The following TAS1R2 variants were observed in gnomAD, a reference collection of about 807,000 sequenced individuals.
The protein encoded by TAS1R2 is taste receptor type 1 member 2.
A neutral mutation model predicts 49.3 loss-of-function variants in TAS1R2; 47 were observed. That is an observed-to-expected ratio of 0.95 (90% CI 0.75 to 1.22). The LOEUF is 1.22. TAS1R2 is among the 50% of genes most tolerant of loss of function. The pLI is 0.00. For synonymous variants in TAS1R2, 479 were observed against 467.9 expected (o/e 1.02, Z -0.31); for missense variants, 1,155 against 1,122.1 (o/e 1.03, Z -0.42).
rs1214145529 is a variant in TAS1R2, at chr1:18,854,644, A to T, written c.826T>A (p.Ser276Thr). The change falls in exon 3 of 6, where the codon TCG (serine) becomes ACG (threonine). Residue 276 changes from serine to threonine, a missense_variant. Transcript: ENST00000375371. This position sits in a 1 kb window ranked among gnomAD's most constrained non-coding sequence, Gnocchi z 4.9. ...AAGTGGTACAGGGTCAGGTCGGGCG[A>T]GAACACGACCACGACGCGCGCTGTG... The T allele has an allele frequency of 6.2e-7, 1 of 1,614,066 alleles. No individual in the cohort carries two copies. Among genetic ancestry groups the T allele is most frequent in the Admixed American group, 1.7e-5 (1 of 60,022 alleles).
chr1:18,844,457 G>A (rs1358340076), intron 4 of TAS1R2, among the ~76,000 whole-genome samples: 2 of 152,172 alleles, frequency 1.3e-5, no homozygotes, highest in African/African-American at 4.8e-5. Context: ...AGATTAAAAG[G>A]TTGACTTGTC....
chr1:18,846,860 A>T (rs28582121), intron 4 of TAS1R2, among the ~76,000 whole-genome samples: 63,058 of 151,888 alleles, frequency 0.42, 13,354 homozygotes, highest in East Asian at 0.55. Context: ...TGATTGGATC[A>T]TGGGGATAGA....
At chr1:18,855,295 T>C (rs530428394) in intron 2 of TAS1R2, among the ~76,000 whole-genome samples, 2 of 152,272 alleles carry the variant, frequency 1.3e-5, no homozygotes, top group African/African-American at 2.4e-5. Context: ...CACTGGCTTT[T>C]ATTGAGAACC....
rs1176929360 is a variant in TAS1R2, at chr1:18,849,399, G to A, written c.1409C>T (p.Pro470Leu). ...GATGTTCTTCAGCTGTCGCTGCAGG[G>A]GGTAGTAGGAGGCGACGCTCTGGAA... The change falls in exon 4 of 6, where the codon CCC (proline) becomes CTC (leucine). Residue 470 changes from proline to leucine, a missense_variant. Physicochemically the swap from Pro to Leu is moderately conservative, Grantham distance 98. Coordinates refer to ENST00000375371, the Ensembl canonical transcript of TAS1R2. The A allele has an allele frequency of 2.5e-6, 4 of 1,614,064 alleles. No individual in the cohort carries two copies. In the African/African-American group the frequency reaches 5.3e-5, roughly 22 times the overall value.
At chr1:18,849,017 A>C (rs1933971992) in intron 4 of TAS1R2, among the ~76,000 whole-genome samples, 1 of 152,162 alleles carries the variant, frequency 6.6e-6, no homozygotes, top group Non-Finnish European at 1.5e-5. Context: ...CCTGGCGCCA[A>C]AAAGGTTGGG....
At chr1:18,841,442 C>A (rs1458201351) in intron 5 of TAS1R2, among the ~76,000 whole-genome samples, 1 of 152,198 alleles carries the variant, frequency 6.6e-6, no homozygotes, top group Non-Finnish European at 1.5e-5. Context: ...TCCCTGGGCC[C>A]TGGGCTATGT....
At chr1:18,858,355 C>T (rs1244672365) in intron 1 of TAS1R2, 1 of 152,472 alleles carries the variant, frequency 6.6e-6, no homozygotes, top group Non-Finnish European at 1.5e-5. Flanking sequence ...ACCAGCATCA[C>T]TACCATCGCC....
chr1:18,857,705 C>T (rs1360710624), intron 1 of TAS1R2, 74 bp from the exon 2 acceptor site: 13 of 1,492,556 alleles, frequency 8.7e-6, no homozygotes, highest in South Asian at 1.3e-5. Context: ...AACCAGCCCA[C>T]TCCTCCTTCC....
rs374016525 is a variant in TAS1R2, at chr1:18,854,710, G to A, written c.760C>T (p.Arg254Cys). The A allele has an allele frequency of 2.3e-5, 37 of 1,613,142 alleles. 1 individual carries two copies. In the Admixed American group the frequency reaches 2.5e-4, roughly 11 times the overall value. Residue 254 changes from arginine (R) to cysteine (C), a missense_variant, in exon 3 of 6, where the codon CGC becomes TGC. Arg to Cys is a radical substitution (Grantham distance 180). Transcript: ENST00000375371. The surrounding 1 kb of genome is among the most constrained non-coding windows in gnomAD (Gnocchi z 4.9). ...TCCACAATGGTCACCAGGCGCTGGC[G>A]CTCCTCTGACGTCATGTTCTGGTTG... is the stretch of plus-strand genomic sequence containing the variant.
chr1:18,857,588 G>C (rs199501438), exon 2 of TAS1R2: 1 of 1,614,024 alleles, frequency 6.2e-7, no homozygotes, highest in Non-Finnish European at 8.5e-7. Context: ...ACCGCAAAGC[G>C]CATGGCCTGC....
chr1:18,843,287 T>C (rs1933859402), intron 4 of TAS1R2, among the ~76,000 whole-genome samples: 2 of 152,200 alleles, frequency 1.3e-5, no homozygotes, highest in South Asian at 4.1e-4. Context: ...GACCTATGAA[T>C]GCCAGAGGAT....
rs779808414 is a variant in TAS1R2, at chr1:18,840,543, C to A, written c.1592-16G>T. On this transcript the variant is annotated splice_polypyrimidine_tract_variant and intron_variant, in intron 5 of 5. Coordinates refer to ENST00000375371, the Ensembl canonical transcript of TAS1R2. Reference sequence around the variant, plus strand: ...TCATATTCATCTGCAAAAGCCACAGCGACTCCCATTAGCCAAGCCCATCTT... The same window carrying A: ...TCATATTCATCTGCAAAAGCCACAGAGACTCCCATTAGCCAAGCCCATCTT... The A allele has an allele frequency of 6.2e-7, 1 of 1,613,978 alleles. No homozygotes were observed. The highest frequency in any genetic ancestry group is 8.5e-7 in the Non-Finnish European group (1 of 1,179,918).
chr1:18,851,816 A>G (rs1277948977), intron 3 of TAS1R2, among the ~76,000 whole-genome samples: 2 of 152,016 alleles, frequency 1.3e-5, no homozygotes, highest in East Asian at 1.9e-4. Context: ...GCCCATCCCC[A>G]CTACCCCAGC....
chr1:18,857,537 G>A, exon 2 of TAS1R2: 2 of 1,614,202 alleles, frequency 1.2e-6, no homozygotes, highest in Non-Finnish European at 1.7e-6. Flanking sequence ...TAGCCCAGCA[G>A]CACACCAGGC....
chr1:18,840,301 C>G (rs775971313), exon 6 of TAS1R2: 3 of 1,614,094 alleles, frequency 1.9e-6, no homozygotes, highest in Admixed American at 1.7e-5. Context: ...GTGTCAGCAT[C>G]AGGAAGCACA....
At chr1:18,855,039 C>T in intron 2 of TAS1R2, 53 bp from the exon 3 acceptor site, 1 of 1,568,264 alleles carries the variant, frequency 6.4e-7, no homozygotes, top group South Asian at 1.2e-5. Context: ...GTGCTCTGCC[C>T]CCACCCCAGG....
At chr1:18,849,224 C>G in intron 4 of TAS1R2, 117 bp downstream of exon 4, 1 of 1,093,540 alleles carries the variant, frequency 9.1e-7, no homozygotes, top group Middle Eastern at 3.0e-4. Context: ...AGACATCCCC[C>G]CAGAGATTGA....
chr1:18,856,957 A>G (rs187797415), intron 2 of TAS1R2, among the ~76,000 whole-genome samples: 1 of 152,244 alleles, frequency 6.6e-6, no homozygotes, highest in African/African-American at 2.4e-5. Flanking sequence ...AAACAACATT[A>G]TTTACTACCT....
chr1:18,858,138 A>G (rs1054624649), intron 1 of TAS1R2, among the ~76,000 whole-genome samples: 3 of 151,716 alleles, frequency 2.0e-5, no homozygotes, highest in Non-Finnish European at 4.4e-5. Context: ...CACCACCACC[A>G]ACATCATCAT....
Sources: gnomAD v4.1 joint callset for allele counts (sites outside exome capture counted in the v4.1 genomes callset) on GRCh38, gnomAD v4.1.1 for gene constraint, Gnocchi (gnomAD v3.1) non-coding constraint, MANE v1.5 for transcripts, NCBI Gene and HGNC (gene_info 2026-07-23, HGNC 2026-07-21) for gene names.